Variants in LBHD1 observed in about 807,000 individuals in gnomAD.
The protein encoded by LBHD1 is LBH domain-containing protein 1.
A neutral mutation model predicts 31.1 loss-of-function variants in LBHD1; 28 were observed. The ratio of observed to expected loss-of-function variants is 0.90; its 90% CI spans 0.67 to 1.24. The LOEUF is 1.24. Among genes scored for constraint, LBHD1 ranks in the 50% most tolerant of loss-of-function variants. The pLI, the probability that LBHD1 is intolerant of heterozygous loss-of-function variation, is 0.00. For missense variants in LBHD1, 350 were observed against 323.0 expected (o/e 1.08, Z -0.64); for synonymous variants, 105 against 116.5 (o/e 0.90, Z 0.63).
chr11:62,663,513 T>C (rs1253724251), intron 5 of LBHD1, among the ~76,000 whole-genome samples, 180 bp from the exon 6 acceptor site: 3 of 151,396 alleles, frequency 2.0e-5, no homozygotes, highest in Non-Finnish European at 4.4e-5. Context: ...GAGACCACGG[T>C]GAAACCCTGT....
At chr11:62,668,019 T>C (rs1944865291) in intron 3 of LBHD1, 1 of 346,446 alleles carries the variant, frequency 2.9e-6, no homozygotes, top group Non-Finnish European at 5.3e-6. Flanking sequence ...CAATGGGCCA[T>C]GATAAGCTGC....
At position 62,671,782 on chromosome 11, in the gene LBHD1, A is replaced by G; in HGVS notation, c.-229T>C. 1 of 1,614,040 alleles carries G rather than the reference A, an allele frequency of 6.2e-7. No individual in the cohort carries two copies. Among genetic ancestry groups the G allele is most frequent in the East Asian group, 2.2e-5 (1 of 44,872 alleles). On this transcript the variant is annotated 5_prime_UTR_variant, in exon 1 of 7. Coordinates refer to ENST00000354588, the MANE Select transcript of LBHD1 (RefSeq NM_024099.5). ...GCGGAAAATGCTGATCTCAGTCGCA[A>G]TGCTGGGCGCAGGGGCTGGCGTGGG...
Position 62,671,947 on chromosome 11 carries a change from C to T in LBHD1, c.-394G>A, listed in dbSNP as rs773754682. 5 of 1,613,944 alleles carry T rather than the reference C, an allele frequency of 3.1e-6. No individual in the cohort carries two copies. The South Asian group carries it at 4.4e-5, about 14-fold the overall frequency. On this transcript the variant is annotated 5_prime_UTR_variant, in exon 1 of 7. Transcript: ENST00000354588. ...AGCTCCTGCGAACTCCCCTTCCTGC[C>T]CTCAGGAGATGCCACTGCAGGACCC...
intron 4 of LBHD1, chr11:62,665,234 C>T (rs1238362169): frequency 3.9e-5 from 30 of 769,332 alleles, no homozygotes; most frequent in Non-Finnish European, 5.3e-5. Flanking sequence ...CGGGGCTCCG[C>T]CCCGGCCTTC....
At chr11:62,666,316 A>G (rs141228885) in intron 4 of LBHD1, 1 of 1,485,712 alleles carries the variant, frequency 6.7e-7, no homozygotes, top group Non-Finnish European at 9.3e-7. Context: ...TCTCAAAAAA[A>G]AAAAAGACGC....
intron 6 of LBHD1, 24 bp downstream of exon 6, chr11:62,663,212 C>G (rs191835475): frequency 9.3e-6 from 15 of 1,613,814 alleles, no homozygotes; most frequent in Non-Finnish European, 1.2e-5. Context: ...GGATTCCCCT[C>G]ACCCACCTCT....
chr11:62,671,351 G>A, intron 1 of LBHD1: 4 of 1,217,568 alleles, frequency 3.3e-6, no homozygotes, highest in Non-Finnish European at 4.3e-6. Context: ...GAAAACGCGC[G>A]GGTGACTGCA....
At chr11:62,671,087 G>A (rs1030764151) in intron 1 of LBHD1, 6 of 345,120 alleles carry the variant, frequency 1.7e-5, no homozygotes, top group African/African-American at 1.3e-4. Context: ...GCGACAGAGC[G>A]AGACCTTGTC....
intron 4 of LBHD1, chr11:62,667,069 T>C (rs1239126373): frequency 1.9e-6 from 3 of 1,554,336 alleles, no homozygotes; most frequent in South Asian, 1.2e-5. Context: ...TTAGTAGTCC[T>C]GACCCTAGTA....
rs374519514 is a variant in LBHD1 at position 62,667,727 on chromosome 11, C to A, written c.334G>T (p.Asp112Tyr). The A allele has an allele frequency of 6.2e-7, 1 of 1,608,654 alleles. No homozygotes were observed. Among genetic ancestry groups the A allele is most frequent in the Non-Finnish European group, 8.5e-7 (1 of 1,175,594 alleles). ...EEPGWAWSPQ[D>Y]PRSPLRTFNA... Reference sequence around the variant, plus strand: ...AATGTTCTTAAAGGACTTCTAGGGTCCTGTGGGCTCCAAGCCCAGCCTGGG... The same window carrying A: ...AATGTTCTTAAAGGACTTCTAGGGTACTGTGGGCTCCAAGCCCAGCCTGGG... The change falls in exon 4 of 7, where the codon GAC becomes TAC. Residue 112 changes from aspartate (D) to tyrosine (Y), a missense_variant. Asp to Tyr is a radical substitution (Grantham distance 160). Transcript: ENST00000354588.
chr11:62,665,052 C>T (rs1046825965), intron 4 of LBHD1, 79 bp from the exon 5 acceptor site: 4 of 1,581,544 alleles, frequency 2.5e-6, no homozygotes, highest in East Asian at 2.2e-5. Context: ...GCCCCGGCCC[C>T]TCACTGATCC....
chr11:62,671,289 AG>A, intron 1 of LBHD1: 2 of 599,680 alleles, frequency 3.3e-6, no homozygotes, highest in Non-Finnish European at 5.6e-6. Context: ...TCCAGAGTTG[AG>A]GGGATGGAGA....
intron 4 of LBHD1, 197 bp from the exon 5 acceptor site, chr11:62,665,170 A>G (rs1565125806): frequency 1.2e-6 from 1 of 867,342 alleles, no homozygotes; most frequent in Non-Finnish European, 1.9e-6. Context: ...GAGCTCCCAT[A>G]GTCGCGATTC....
Position 62,666,702 on chromosome 11 carries a change from G to C in LBHD1, c.538+821C>G, listed in dbSNP as rs746500626. The stretch of plus-strand genomic sequence containing the variant: ...AATAGCCTCCTGGAGGGTGGCCCAG[G>C]CCAAACACCTCTATGCCCTGGACAC... On this transcript the variant is annotated intron_variant, in intron 4 of 6. Coordinates refer to ENST00000354588, the MANE Select transcript of LBHD1 (RefSeq NM_024099.5). The C allele has an allele frequency of 7.4e-5, 119 of 1,613,900 alleles. 1 individual carries two copies. The South Asian group carries it at 1.3e-3, about 17-fold the overall frequency.
intron 5 of LBHD1, among the ~76,000 whole-genome samples, chr11:62,664,411 A>G (rs1277178317): frequency 6.9e-6 from 1 of 144,284 alleles, no homozygotes; most frequent in Non-Finnish European, 1.5e-5. Flanking sequence ...GCTCACTGCA[A>G]CCTCCGCCTC....
chr11:62,665,470 G>T, intron 4 of LBHD1: 1 of 1,575,230 alleles, frequency 6.3e-7, no homozygotes, highest in Admixed American at 1.7e-5. Context: ...TCCCCGTAAT[G>T]TACGGAGGAA....
intron 4 of LBHD1, chr11:62,667,029 A>AATGAGAGC: frequency 6.2e-7 from 1 of 1,605,984 alleles, no homozygotes; most frequent in Admixed American, 1.7e-5. Context: ...TACTTTGCTT[A>AATGAGAGC]CTTGATTCAA....
In LBHD1 at chr11:62,663,087, T is replaced by TG. The variant is rs754143597; in HGVS notation, c.*41dup. The TG allele has an allele frequency of 5.0e-6, 8 of 1,612,356 alleles. No individual in the cohort carries two copies. In the South Asian group the frequency reaches 7.7e-5, roughly 15 times the overall value. On this transcript the variant is annotated 3_prime_UTR_variant, in exon 7 of 7. Transcript: ENST00000354588. ...TTCAAGGTCCTTCATTTCTACATCC[T>TG]GGGGGGCTTTTGTCTTCTTTTGCCT... is the stretch of plus-strand genomic sequence containing the variant.
intron 4 of LBHD1, chr11:62,666,776 G>A (rs879037551): frequency 6.2e-7 from 1 of 1,614,084 alleles, no homozygotes; most frequent in Admixed American, 1.7e-5. Context: ...GAACCTGGGG[G>A]CTGTGGCTTC....
Sources: allele counts gnomAD v4.1 joint callset (sites outside exome capture counted in the v4.1 genomes callset), GRCh38; gene constraint gnomAD v4.1.1; transcripts MANE v1.5; gene names NCBI Gene and HGNC (gene_info 2026-07-23, HGNC 2026-07-21).